The following GPD2 variants were observed in gnomAD, a reference collection of about 807,000 sequenced individuals.
GPD2 encodes glycerol-3-phosphate dehydrogenase 2.
GPD2 carries 54 observed loss-of-function variants against 82.4 expected under a neutral mutation model. That is an observed-to-expected ratio of 0.66 (90% CI 0.53 to 0.82). The LOEUF (loss-of-function observed/expected upper bound fraction) is 0.82. Among genes scored for constraint, GPD2 ranks in the 40% least tolerant of loss-of-function variants. GPD2 has a pLI of 0.00. For synonymous variants in GPD2, 288 were observed against 306.1 expected (o/e 0.94, Z 0.62); for missense variants, 748 against 896.2 (o/e 0.83, Z 2.11).
the GPD2 span, among the ~76,000 whole-genome samples, chr2:156,401,686 G>A: frequency 1.3e-5 from 2 of 152,190 alleles, no homozygotes; most frequent in Non-Finnish European, 2.9e-5. Flanking sequence ...GGAACTATGT[G>A]ATTTGCATAG....
chr2:156,400,817 C>T, the GPD2 span, among the ~76,000 whole-genome samples: 22 of 152,296 alleles, frequency 1.4e-4, no homozygotes, highest in Non-Finnish European at 2.2e-4. Context: ...TGTGAGGTCC[C>T]GGGTTCAATC....
At chr2:156,574,842 A>C (rs1323221243) in intron 13 of GPD2, among the ~76,000 whole-genome samples, 5 of 152,206 alleles carry the variant, frequency 3.3e-5, no homozygotes. Context: ...AAAAAAACAA[A>C]AGCAAATAAG....
chr2:156,511,030 A>G, intron 4 of GPD2, 110 bp downstream of exon 4: 1 of 923,566 alleles, frequency 1.1e-6, no homozygotes, highest in Non-Finnish European at 1.8e-6. Context: ...TTCCTGTTGG[A>G]AATACCTATT....
At chr2:156,582,070 G>A (rs554558284) in intron 16 of GPD2, among the ~76,000 whole-genome samples, 2 of 152,114 alleles carry the variant, frequency 1.3e-5, no homozygotes, top group South Asian at 4.1e-4. Flanking sequence ...GATTAGGGAA[G>A]TGAGATCAAG....
chr2:156,461,777 T>C (rs1333615174), intron 1 of GPD2, among the ~76,000 whole-genome samples: 1 of 152,218 alleles, frequency 6.6e-6, no homozygotes, highest in Non-Finnish European at 1.5e-5. Context: ...TACATGTTTA[T>C]TTTTGTCTTT....
At chr2:156,548,891 T>C (rs1027937704) in intron 6 of GPD2, among the ~76,000 whole-genome samples, 14 of 152,160 alleles carry the variant, frequency 9.2e-5, no homozygotes, top group Non-Finnish European at 2.1e-4. Context: ...TCTCTAGTGA[T>C]GCCAGTATTT....
chr2:156,540,037 T>C (rs909893126), intron 6 of GPD2, among the ~76,000 whole-genome samples: 1 of 152,118 alleles, frequency 6.6e-6, no homozygotes, highest in Non-Finnish European at 1.5e-5. Flanking sequence ...AAAATCTGGT[T>C]AACTTAAACA....
intron 9 of GPD2, among the ~76,000 whole-genome samples, chr2:156,561,026 C>T (rs972705331): frequency 8.4e-6 from 1 of 119,466 alleles, no homozygotes; most frequent in African/African-American, 3.1e-5. Context: ...AAACTGAGGC[C>T]CAGTGACATT....
intron 6 of GPD2, among the ~76,000 whole-genome samples, chr2:156,530,279 A>G (rs1290328668): frequency 2.8e-5 from 2 of 71,472 alleles, no homozygotes; most frequent in African/African-American, 9.5e-5. Flanking sequence ...TGATTTTTGT[A>G]CATTGATTTT....
intron 1 of GPD2, among the ~76,000 whole-genome samples, chr2:156,451,274 C>G (rs1159931367): frequency 6.6e-6 from 1 of 150,716 alleles, no homozygotes; most frequent in Admixed American, 6.6e-5. Context: ...CCGGACGGGG[C>G]AGCTGGCAGG....
At chr2:156,479,818 C>T (rs1205596069) in intron 2 of GPD2, among the ~76,000 whole-genome samples, 1 of 152,114 alleles carries the variant, frequency 6.6e-6, no homozygotes, top group African/African-American at 2.4e-5. Flanking sequence ...TTTCTTGTCC[C>T]CTTTTCTTTA....
chr2:156,514,061 ATTG>A (rs777818889), intron 6 of GPD2, among the ~76,000 whole-genome samples: 2 of 149,576 alleles, frequency 1.3e-5, no homozygotes, highest in East Asian at 2.0e-4. Flanking sequence ...TGCTTATTTT[ATTG>A]TTGTTAGATG....
At chr2:156,468,365 T>A (rs1022314761) in intron 1 of GPD2, among the ~76,000 whole-genome samples, 5 of 152,220 alleles carry the variant, frequency 3.3e-5, no homozygotes, top group Admixed American at 6.5e-5. Flanking sequence ...TTTTCTTCAA[T>A]AAGTCACTGG....
intron 1 of GPD2, among the ~76,000 whole-genome samples, chr2:156,461,675 C>G (rs1334645633): frequency 1.3e-5 from 2 of 152,214 alleles, no homozygotes; most frequent in Non-Finnish European, 2.9e-5. Context: ...CCATCATGTC[C>G]AGCCTACCCC....
chr2:156,465,364 T>TCTTTC (rs70987040), intron 1 of GPD2, among the ~76,000 whole-genome samples: 1 of 65,714 alleles, frequency 1.5e-5, no homozygotes. Context: ...TTTCTTTCTT[T>TCTTTC]TTTTTTTTTT....
intron 1 of GPD2, among the ~76,000 whole-genome samples, chr2:156,474,302 A>G (rs1683430792): frequency 6.6e-6 from 1 of 152,234 alleles, no homozygotes. Context: ...CTATATTGCA[A>G]TTCTTTATTT....
At chr2:156,452,904 T>C (rs920599671) in intron 1 of GPD2, among the ~76,000 whole-genome samples, 1 of 152,184 alleles carries the variant, frequency 6.6e-6, no homozygotes, top group African/African-American at 2.4e-5. Flanking sequence ...GGATAAGTCA[T>C]CATTTGGGTG....
chr2:156,517,324 ATATTT>A (rs1468966088), intron 6 of GPD2, among the ~76,000 whole-genome samples: 1 of 152,198 alleles, frequency 6.6e-6, no homozygotes, highest in Non-Finnish European at 1.5e-5. Context: ...GATCTGTACC[ATATTT>A]TATTGTTAAC....
At chr2:156,442,895 C>T (rs1166812631) in intron 1 of GPD2, among the ~76,000 whole-genome samples, 1 of 152,218 alleles carries the variant, frequency 6.6e-6, no homozygotes, top group Non-Finnish European at 1.5e-5. Flanking sequence ...ACTCTCTCTG[C>T]TCCATGCTTC....
Sources: allele counts gnomAD v4.1 joint callset (sites outside exome capture counted in the v4.1 genomes callset), GRCh38; gene constraint gnomAD v4.1.1; transcripts MANE v1.5; gene names NCBI Gene and HGNC (gene_info 2026-07-23, HGNC 2026-07-21).